The following PDE10A variants were observed in gnomAD, a reference collection of about 807,000 sequenced individuals.
PDE10A encodes the protein cAMP and cAMP-inhibited cGMP 3',5'-cyclic phosphodiesterase 10A.
Under a neutral mutation model 97.7 loss-of-function variants are expected in PDE10A, and 39 were observed. That is an observed-to-expected ratio of 0.40 (90% CI 0.31 to 0.52). The LOEUF (loss-of-function observed/expected upper bound fraction) is 0.52, where lower values mean the gene tolerates loss of function less well. Among genes scored for constraint, PDE10A ranks in the 20% least tolerant of loss-of-function variants. PDE10A has a pLI of 0.56. For synonymous variants in PDE10A, 371 were observed against 376.8 expected, an observed-to-expected ratio of 0.98 and a Z score of 0.18; for missense variants, 731 against 1,047.8, an observed-to-expected ratio of 0.70 and a Z score of 4.17.
intron 1 of PDE10A, among the ~76,000 whole-genome samples, chr6:165,653,901 G>T (rs1242392180): frequency 6.6e-6 from 1 of 152,088 alleles, no homozygotes; most frequent in East Asian, 1.9e-4. Context: ...AAGCCCCCCA[G>T]CCATGAGATC....
At chr6:165,682,341 C>T (rs1197060502) in intron 1 of PDE10A, among the ~76,000 whole-genome samples, 1 of 152,056 alleles carries the variant, frequency 6.6e-6, no homozygotes, top group Admixed American at 6.5e-5. Flanking sequence ...GCCATGTTGC[C>T]CTGGTTGGTC....
chr6:165,866,947 T>C (rs761364257), intron 1 of PDE10A, among the ~76,000 whole-genome samples: 1 of 152,040 alleles, frequency 6.6e-6, no homozygotes, highest in Non-Finnish European at 1.5e-5. Flanking sequence ...TCAAGGGAGT[T>C]CTACATCTAG....
At position 165,655,414 on chromosome 6, in the gene PDE10A, G is replaced by T. The variant is rs893929717; in HGVS notation, c.865+6533C>A. ...CTCCAGGCTTCCCATCCCAATCCCA[G>T]TGAACAGCCCCACCATTTACCCAAT... On this transcript the variant is annotated intron_variant, in intron 1 of 21. Coordinates refer to ENST00000539869, the MANE Select transcript of PDE10A (RefSeq NM_001385079.1). The surrounding 1 kb of genome is among the most constrained non-coding windows in gnomAD (Gnocchi z 4.5). Among the ~76,000 whole-genome samples, 1 of 152,060 alleles carries T rather than the reference G, an allele frequency of 6.6e-6. No individual in the cohort carries two copies. Among genetic ancestry groups the T allele is most frequent in the Admixed American group, 6.5e-5 (1 of 15,284 alleles).
At chr6:165,914,727 C>T (rs1474737868) in intron 1 of PDE10A, among the ~76,000 whole-genome samples, 1 of 152,190 alleles carries the variant, frequency 6.6e-6, no homozygotes. Flanking sequence ...CAGTTTCCTT[C>T]TGTCTATATT....
chr6:165,600,260 G>A lies in PDE10A; in HGVS notation c.866-56692C>T, dbSNP rs118174059. Among the ~76,000 whole-genome samples the A allele has an allele frequency of 5.9e-5, 9 of 152,318 alleles. 1 individual carries two copies. In the South Asian group the frequency reaches 1.5e-3, roughly 25 times the overall value. ...GGACACACTGCCAAAACAGCCTGCA[G>A]CCCTTCCAAGATGCTTACCACCCGG... On this transcript the variant is annotated intron_variant, in intron 1 of 21. Coordinates refer to ENST00000539869, the MANE Select transcript of PDE10A (RefSeq NM_001385079.1).
intron 1 of PDE10A, 32 bp from the exon 2 acceptor site, chr6:165,543,600 C>T (rs758340741): frequency 2.9e-4 from 446 of 1,559,066 alleles, no homozygotes; most frequent in Middle Eastern, 5.1e-4. Context: ...TAAAATTCAC[C>T]TATACAACAT....
chr6:165,821,709 G>GT (rs1235852724), intron 1 of PDE10A, among the ~76,000 whole-genome samples: 2 of 151,892 alleles, frequency 1.3e-5, no homozygotes, highest in South Asian at 2.1e-4. Flanking sequence ...TGTTTGTTTT[G>GT]TTTTTGTGTT....
At chr6:165,983,662 G>C (rs753397848) in intron 1 of PDE10A, among the ~76,000 whole-genome samples, 3 of 152,168 alleles carry the variant, frequency 2.0e-5, no homozygotes, top group Non-Finnish European at 4.4e-5. Context: ...CTTCCAAGTT[G>C]TTGGCACTTA....
chr6:165,703,373 T>C (rs963475632), intron 1 of PDE10A, among the ~76,000 whole-genome samples: 8 of 152,200 alleles, frequency 5.3e-5, no homozygotes, highest in Non-Finnish European at 8.8e-5. Flanking sequence ...CGCCACGTTT[T>C]AGAGTTGTAA....
At chr6:165,904,964 T>C (rs1245487359) in intron 1 of PDE10A, among the ~76,000 whole-genome samples, 2 of 152,222 alleles carry the variant, frequency 1.3e-5, no homozygotes, top group African/African-American at 4.8e-5. Flanking sequence ...TCTTGTGTCA[T>C]ATTTGCCTAA....
At chr6:165,563,488 C>A (rs898358224) in intron 1 of PDE10A, among the ~76,000 whole-genome samples, 2 of 152,116 alleles carry the variant, frequency 1.3e-5, no homozygotes, top group Non-Finnish European at 2.9e-5. Flanking sequence ...GTGATGCAGC[C>A]TTTCTCACCT....
At chr6:165,821,734 G>A (rs568901456) in intron 1 of PDE10A, among the ~76,000 whole-genome samples, 67 of 152,152 alleles carry the variant, frequency 4.4e-4, no homozygotes, top group Admixed American at 1.2e-3. Context: ...GTAGAGACAG[G>A]GTTTCACCAT....
At chr6:165,501,798 T>C (rs1780907060) in intron 2 of PDE10A, among the ~76,000 whole-genome samples, 2 of 152,198 alleles carry the variant, frequency 1.3e-5, no homozygotes, top group Non-Finnish European at 2.9e-5. Flanking sequence ...CTTGACAAGG[T>C]ATCTGTAAAA....
intron 1 of PDE10A, among the ~76,000 whole-genome samples, chr6:165,823,090 C>T (rs1392922781): frequency 6.6e-6 from 1 of 151,932 alleles, no homozygotes; most frequent in East Asian, 1.9e-4. Context: ...CCTCGTCCTC[C>T]CAAAGTGCTG....
intron 21 of PDE10A, 103 bp downstream of exon 21, chr6:165,336,020 G>C (rs535419553): frequency 9.6e-5 from 89 of 931,034 alleles, no homozygotes; most frequent in Middle Eastern, 8.4e-4. Flanking sequence ...TCGACATCTA[G>C]ACAAACACAC....
rs1355710844 is a variant in PDE10A at position 165,958,757 on chromosome 6, G to GAAAGAAAGAAAT, written c.-615+28771_-615+28772insATTTCTTTCTTT. Among the ~76,000 whole-genome samples the GAAAGAAAGAAAT allele has an allele frequency of 3.3e-5, 5 of 150,548 alleles. No homozygotes were observed. The East Asian group carries it at 9.7e-4, about 29-fold the overall frequency. On this transcript the variant is annotated intron_variant, in intron 1 of 19. Transcript: ENST00000366882. The stretch of plus-strand genomic sequence containing the variant: ...AAAGAAAGAAAGAAAGAGAAAGAAA[G>GAAAGAAAGAAAT]AAAGAAAGAAGAAAGCAAGCCAGCC...
intron 1 of PDE10A, among the ~76,000 whole-genome samples, chr6:165,623,649 A>G (rs1042834102): frequency 1.3e-5 from 2 of 152,208 alleles, no homozygotes; most frequent in African/African-American, 4.8e-5. Context: ...TAGACTCTGC[A>G]GACTTCAATG....
intron 1 of PDE10A, among the ~76,000 whole-genome samples, chr6:165,726,908 T>C (rs1256449185): frequency 1.3e-5 from 2 of 152,088 alleles, no homozygotes; most frequent in African/African-American, 2.4e-5. Context: ...ACAGAGAAGC[T>C]CAAATGTGTC....
chr6:165,377,468 A>G (rs1583154532), intron 18 of PDE10A, among the ~76,000 whole-genome samples: 1 of 152,176 alleles, frequency 6.6e-6, no homozygotes, highest in African/African-American at 2.4e-5. Flanking sequence ...TTTTCAAGTT[A>G]TATGTCAAAA....
Sources: gnomAD v4.1 joint callset for allele counts (sites outside exome capture counted in the v4.1 genomes callset) on GRCh38, gnomAD v4.1.1 for gene constraint, Gnocchi (gnomAD v3.1) non-coding constraint, MANE v1.5 for transcripts, NCBI Gene and HGNC (gene_info 2026-07-23, HGNC 2026-07-21) for gene names.